The following ZFP64 variants were observed in gnomAD, a reference collection of about 807,000 sequenced individuals.
ZFP64 encodes the protein zinc finger protein 64.
A neutral mutation model predicts 51.6 loss-of-function variants in ZFP64; 14 were observed. The ratio of observed to expected loss-of-function variants is 0.27; its 90% confidence interval spans 0.18 to 0.42. The LOEUF is 0.42. Ranked by LOEUF, ZFP64 falls within the 10% of genes least tolerant of loss-of-function variation. The pLI is 1.00. For synonymous variants in ZFP64, 375 were observed against 361.4 expected, an observed-to-expected ratio of 1.04 and a Z score of -0.43; for missense variants, 754 against 906.8, an observed-to-expected ratio of 0.83 and a Z score of 2.16.
Position 52,152,101 on chromosome 20 carries a change from C to G in ZFP64, c.*45G>C. 7.0e-6 allele frequency: 11 copies of G among 1,570,820 alleles called. No individual in the cohort carries two copies. Among genetic ancestry groups the G allele is most frequent in the Non-Finnish European group, 9.5e-6 (11 of 1,159,504 alleles). ...TTTTAGAGAATTCTACTTAAGATTTCTTTTTCTCAATTCCTTTCCCCCACT... is the reference window on the plus strand; with the variant it reads ...TTTTAGAGAATTCTACTTAAGATTTGTTTTTCTCAATTCCTTTCCCCCACT... On this transcript the variant is annotated 3_prime_UTR_variant, in exon 6 of 6. Transcript: ENST00000216923.
chr20:52,148,094 T>C (rs1437770815), downstream of ZFP64, among the ~76,000 whole-genome samples: 1 of 152,220 alleles, frequency 6.6e-6, no homozygotes, highest in Non-Finnish European at 1.5e-5. Flanking sequence ...GTTTAGGTAC[T>C]GGATAAAATA....
intron 5 of ZFP64, among the ~76,000 whole-genome samples, chr20:52,127,510 G>A (rs561258798): frequency 2.6e-5 from 4 of 152,050 alleles, no homozygotes; most frequent in South Asian, 2.1e-4. Context: ...CCTTTCACTC[G>A]GCACTTCTCT....
At chr20:52,175,359 G>A (rs1359975441) in intron 2 of ZFP64, among the ~76,000 whole-genome samples, 1 of 152,136 alleles carries the variant, frequency 6.6e-6, no homozygotes, top group Non-Finnish European at 1.5e-5. Flanking sequence ...CCAGACTCAA[G>A]CGATCCTCCC....
chr20:52,127,045 A>G (rs1311819801), intron 5 of ZFP64, among the ~76,000 whole-genome samples: 1 of 151,488 alleles, frequency 6.6e-6, no homozygotes, highest in African/African-American at 2.4e-5. Flanking sequence ...TCCACTTCCC[A>G]GGTTCAAGCA....
chr20:52,145,323 T>G (rs8122116), intron 5 of ZFP64, among the ~76,000 whole-genome samples: 28,351 of 152,178 alleles, frequency 0.19, 2,973 homozygotes, highest in Admixed American at 0.26. Context: ...AACACAATGG[T>G]AAGTACTTGT....
In ZFP64 at chr20:52,085,325, C is replaced by A; in HGVS notation, c.1229-59G>T. ...GCAGGCAAAACAGACCCTCCCACCCCAACCTGCCTTAGCACACTTGGCCGC... is the reference window on the plus strand; with the variant it reads ...GCAGGCAAAACAGACCCTCCCACCCAAACCTGCCTTAGCACACTTGGCCGC... On this transcript the variant is annotated intron_variant, in intron 8 of 8. Transcript: ENST00000361387. The surrounding 1 kb of genome is among the most constrained non-coding windows in gnomAD (Gnocchi z 4.3). The A allele has an allele frequency of 6.6e-7, 1 of 1,510,054 alleles. No homozygotes were observed. The highest frequency in any genetic ancestry group is 1.3e-5 in the South Asian group (1 of 76,654). 93.5% of individuals were successfully genotyped at this position (1,510,054 alleles called of 1,614,324 possible). A position where few individuals can be genotyped will look rare whatever the true frequency, so the allele number is the denominator to read the frequency against.
intron 5 of ZFP64, among the ~76,000 whole-genome samples, chr20:52,134,016 G>A (rs1476862916): frequency 7.5e-6 from 1 of 133,590 alleles, no homozygotes; most frequent in African/African-American, 2.9e-5. Context: ...GCAACAGAGT[G>A]AGATCCTGTC....
exon 9 of ZFP64, chr20:52,084,412 C>T (rs1244258367): frequency 2.7e-6 from 2 of 747,312 alleles, no homozygotes. Context: ...TGTCGCCCAG[C>T]CATCGCCTCT....
intron 2 of ZFP64, among the ~76,000 whole-genome samples, chr20:52,175,106 G>A (rs1228128209): frequency 6.6e-6 from 1 of 151,970 alleles, no homozygotes. Context: ...TGCAGATTAA[G>A]GATACTATCT....
At chr20:52,089,743 A>AG (rs1383352808) in intron 7 of ZFP64, among the ~76,000 whole-genome samples, 1 of 36,262 alleles carries the variant, frequency 2.8e-5, no homozygotes, top group Non-Finnish European at 5.4e-5. Flanking sequence ...ACTGTCTCAA[A>AG]AAAAAAAAAA....
chr20:52,138,568 A>T (rs1182667815), intron 5 of ZFP64, among the ~76,000 whole-genome samples: 1 of 152,114 alleles, frequency 6.6e-6, no homozygotes, highest in Non-Finnish European at 1.5e-5. Context: ...AGGAACAGGT[A>T]CATGAGAAAA....
At chr20:52,169,937 C>T (rs1982584351) in intron 2 of ZFP64, among the ~76,000 whole-genome samples, 1 of 152,064 alleles carries the variant, frequency 6.6e-6, no homozygotes, top group Non-Finnish European at 1.5e-5. Context: ...CCTGTAATCC[C>T]AGCTACTTGG....
At chr20:52,103,434 T>C (rs903139094) in intron 5 of ZFP64, among the ~76,000 whole-genome samples, 2 of 152,012 alleles carry the variant, frequency 1.3e-5, no homozygotes, top group Non-Finnish European at 2.9e-5. Flanking sequence ...TTCTCCGAAG[T>C]GGTGGCTGGG....
At chr20:52,158,705 CAAAA>C (rs549722370) in intron 5 of ZFP64, among the ~76,000 whole-genome samples, 6 of 151,932 alleles carry the variant, frequency 3.9e-5, no homozygotes, top group African/African-American at 1.5e-4. Context: ...GACTCCATCT[CAAAA>C]AAGAAAGAAA....
chr20:52,165,796 A>C, intron 3 of ZFP64, 68 bp downstream of exon 3: 2 of 1,598,952 alleles, frequency 1.3e-6, no homozygotes, highest in Non-Finnish European at 8.5e-7. Flanking sequence ...GGAACTCATG[A>C]GGAGGAGCCC....
At position 52,187,018 on chromosome 20, in the gene ZFP64, C is replaced by T. The variant is rs754152119; in HGVS notation, c.100G>A (p.Gly34Ser). The change falls in exon 2 of 6, where the codon GGC becomes AGC. Residue 34 changes from glycine (G) to serine (S), a missense_variant. Transcript: ENST00000216923. ...VELTPDIHIC[G>S]ICKQQFNNLD... ...TTGTTAAACTGCTGCTTGCAGATGC[C>T]GCAGATATGGATGTCGGGAGTCAGC... The T allele has an allele frequency of 8.1e-6, 13 of 1,613,352 alleles. No homozygotes were observed. Among genetic ancestry groups the T allele is most frequent in the African/African-American group, 1.3e-5 (1 of 74,920 alleles).
intron 1 of ZFP64, among the ~76,000 whole-genome samples, chr20:52,188,950 TGGGCGACAGA>T (rs1416170792): frequency 6.6e-6 from 1 of 151,570 alleles, no homozygotes; most frequent in Non-Finnish European, 1.5e-5. Flanking sequence ...CACTCCAGCC[TGGGCGACAGA>T]GCGAGACTCC....
At chr20:52,102,123 A>AAAAAAAAAAAAAAAAAAAAAAAAAAAAAC (rs2079059193) in intron 5 of ZFP64, among the ~76,000 whole-genome samples, 1 of 148,388 alleles carries the variant, frequency 6.7e-6, no homozygotes, top group African/African-American at 2.5e-5. Flanking sequence ...AAAAAAAAAA[A>AAAAAAAAAAAAAAAAAAAAAAAAAAAAAC]AAGGCAGCAG....
At chr20:52,116,282 T>G (rs1436133131) in intron 5 of ZFP64, among the ~76,000 whole-genome samples, 1 of 151,732 alleles carries the variant, frequency 6.6e-6, no homozygotes, top group South Asian at 2.1e-4. Flanking sequence ...ATTACAGGCA[T>G]GCATCACCAC....
Sources: allele counts gnomAD v4.1 joint callset (sites outside exome capture counted in the v4.1 genomes callset), GRCh38; gene constraint gnomAD v4.1.1; non-coding constraint Gnocchi (gnomAD v3.1); transcripts MANE v1.5; gene names NCBI Gene and HGNC (gene_info 2026-07-23, HGNC 2026-07-21).